Variants in SLC12A2 observed in about 807,000 individuals in gnomAD.
SLC12A2 encodes the protein Na-K-2Cl cotransporter 1.
In SLC12A2, 67 loss-of-function variants were observed where a neutral mutation model predicts 136.3. The ratio of observed to expected loss-of-function variants is 0.49; its 90% CI spans 0.40 to 0.60. The LOEUF (loss-of-function observed/expected upper bound fraction) is 0.60. Among genes scored for constraint, SLC12A2 ranks in the 20% least tolerant of loss-of-function variants. SLC12A2 has a pLI of 0.00. For synonymous variants in SLC12A2, 619 were observed against 562.9 expected (o/e 1.10, Z -1.41); for missense variants, 1,322 against 1,534.7 (o/e 0.86, Z 2.32).
chr5:128,093,792 G>T (rs1760423103), intron 1 of SLC12A2, among the ~76,000 whole-genome samples: 1 of 152,098 alleles, frequency 6.6e-6, no homozygotes, highest in African/African-American at 2.4e-5. Context: ...TGCAGCAATA[G>T]CCTTGTAACT....
intron 5 of SLC12A2, among the ~76,000 whole-genome samples, chr5:128,133,203 CTTTATGA>C (rs1420837697): frequency 1.3e-5 from 2 of 151,914 alleles, no homozygotes; most frequent in African/African-American, 4.8e-5. Flanking sequence ...AAGTATGTAG[CTTTATGA>C]AATTGAATGG....
rs546352799 is a variant in SLC12A2 at position 128,130,339 on chromosome 5, A to G, written c.1049-728A>G. Among the ~76,000 whole-genome samples, 13 of 151,924 alleles carry G rather than the reference A, an allele frequency of 8.6e-5. No homozygotes were observed. The East Asian group carries it at 1.7e-3, about 20-fold the overall frequency. On this transcript the variant is annotated intron_variant, in intron 4 of 26. Transcript: ENST00000262461. ...AGACCATCCTGGCCAACATGGTGAA[A>G]CCCCGTCTCTACTAAAAATGCAAAA...
chr5:128,112,997 C>A lies in SLC12A2; in HGVS notation c.876+64C>A, dbSNP rs543362457. The A allele has an allele frequency of 4.9e-5, 69 of 1,400,434 alleles. No homozygotes were observed. In the African/African-American group the frequency reaches 8.7e-4, roughly 18 times the overall value. The allele number at this position is 1,400,434 out of a possible 1,614,324, so 86.8% of individuals were successfully genotyped here. A position where few individuals can be genotyped will look rare whatever the true frequency, so the allele number is the denominator to read the frequency against. ...TCTGTTGGTTATAAAATCTTCCTAA[C>A]GTTCTCATCAGTTCTCAAGAGAACT... On this transcript the variant is annotated intron_variant, in intron 2 of 26. Coordinates refer to ENST00000262461, the MANE Select transcript of SLC12A2 (RefSeq NM_001046.3).
At chr5:128,091,025 A>C (rs907983293) in intron 1 of SLC12A2, among the ~76,000 whole-genome samples, 2 of 152,180 alleles carry the variant, frequency 1.3e-5, no homozygotes, top group African/African-American at 2.4e-5. Flanking sequence ...TGTGTAGAGA[A>C]TATACTGTAA....
intron 4 of SLC12A2, among the ~76,000 whole-genome samples, chr5:128,118,266 G>T (rs938571638): frequency 1.3e-5 from 2 of 152,146 alleles, no homozygotes; most frequent in Non-Finnish European, 2.9e-5. Flanking sequence ...AGACACTTGT[G>T]CACACATGTT....
chr5:128,107,434 C>G (rs978290802), intron 1 of SLC12A2, among the ~76,000 whole-genome samples: 1 of 152,106 alleles, frequency 6.6e-6, no homozygotes, highest in African/African-American at 2.4e-5. Context: ...TACTGCTGTC[C>G]CTCCCCTACC....
At chr5:128,155,734 G>A (rs886850373) in intron 15 of SLC12A2, among the ~76,000 whole-genome samples, 1 of 152,166 alleles carries the variant, frequency 6.6e-6, no homozygotes, top group African/African-American at 2.4e-5. Context: ...TTCGGCATTG[G>A]TAAGTGGAGC....
Position 128,084,266 on chromosome 5 carries a change from G to C in SLC12A2, c.312G>C (p.Ala104=). Residue 104 remains alanine (A), a synonymous_variant, in exon 1 of 27, where the codon GCG becomes GCC. Coordinates refer to ENST00000262461, the MANE Select transcript of SLC12A2 (RefSeq NM_001046.3). The surrounding 1 kb of genome is among the most constrained non-coding windows in gnomAD (Gnocchi z 5.6). ...AAAAAAAAAA[A]AAAGAGAGAK... is the part of the protein sequence containing the mutation. ...CGGCGGCGGCGGCGGCGGCGGCAGCGGCGGCGGCTGGTGCTGGGGCGGGGG... is the reference window on the plus strand; with the variant it reads ...CGGCGGCGGCGGCGGCGGCGGCAGCCGCGGCGGCTGGTGCTGGGGCGGGGG... The C allele has an allele frequency of 7.8e-7, 1 of 1,288,968 alleles. No homozygotes were observed. Among genetic ancestry groups the C allele is most frequent in the East Asian group, 3.1e-5 (1 of 32,314 alleles). 79.8% of individuals were successfully genotyped at this position (1,288,968 alleles called of 1,614,324 possible).
Position 128,112,868 on chromosome 5 carries a change from G to T in SLC12A2, c.811G>T (p.Ala271Ser), listed in dbSNP as rs572077264. ...GGAAGAAAGTACTCCAACCAGAGAT[G>T]CTGTGGTCACGTATACTGCAGAAAG... The part of the protein sequence containing the change: ...NGEESTPTRD[A>S]VVTYTAESKG... The change falls in exon 2 of 27, where the codon GCT becomes TCT. Residue 271 changes from alanine to serine, a missense_variant. Ala to Ser is a moderately conservative substitution (Grantham distance 99). This residue lies in a region of SLC12A2 where 59 missense variants were observed against 51.5 expected (regional missense o/e 1.15). Coordinates refer to ENST00000262461, the MANE Select transcript of SLC12A2 (RefSeq NM_001046.3). 2 of 1,612,640 alleles carry T rather than the reference G, an allele frequency of 1.2e-6. No individual in the cohort carries two copies. The highest frequency in any genetic ancestry group is 4.5e-5 in the East Asian group (2 of 44,828).
At position 128,148,757 on chromosome 5, in the gene SLC12A2, C is replaced by T. The variant is rs772273071; in HGVS notation, c.1885C>T (p.Leu629=). The change falls in exon 12 of 27, where the codon CTA becomes TTA. Residue 629 remains leucine (L), a synonymous_variant. Transcript: ENST00000262461. ...LVSAPKIFQA[L]CKDNIYPAFQ... ...TTTTAATGTTTTCTTTCATTAGGCT[C>T]TATGTAAGGACAACATCTACCCAGC... 6.3e-7 allele frequency: 1 copy of T among 1,585,764 alleles called. No homozygotes were observed. The highest frequency in any genetic ancestry group is 1.4e-5 in the African/African-American group (1 of 73,144).
At position 128,154,081 on chromosome 5, in the gene SLC12A2, C is replaced by A. The variant is rs1357427997; in HGVS notation, c.2363+1276C>A. Among the ~76,000 whole-genome samples, 7 of 138,220 alleles carry A rather than the reference C, an allele frequency of 5.1e-5. 1 individual carries two copies. The South Asian group carries it at 1.4e-3, about 27-fold the overall frequency. 90.7% of individuals were successfully genotyped at this position (138,220 alleles called of 152,430 possible). A position where few individuals can be genotyped will look rare whatever the true frequency, so the allele number is the denominator to read the frequency against. On this transcript the variant is annotated intron_variant, in intron 15 of 26. Transcript: ENST00000262461. ...TAAAAAAAAAAACAAAAAAAAAAAA[C>A]CTCTTGCTTTGGCTCATTGTAGTAA... is the stretch of plus-strand genomic sequence containing the variant.
At chr5:128,155,675 G>A (rs1486531497) in intron 15 of SLC12A2, among the ~76,000 whole-genome samples, 2 of 152,046 alleles carry the variant, frequency 1.3e-5, no homozygotes, top group African/African-American at 4.8e-5. Context: ...TGGGTTTTGG[G>A]ATTTAGCCTG....
intron 15 of SLC12A2, 94 bp from the exon 16 acceptor site, chr5:128,157,959 T>G (rs1484879953): frequency 2.1e-6 from 2 of 960,700 alleles, no homozygotes; most frequent in Non-Finnish European, 3.2e-6. Flanking sequence ...TAAGGACAGT[T>G]GTATACAGAA....
At chr5:128,100,169 C>T (rs896919152) in intron 1 of SLC12A2, among the ~76,000 whole-genome samples, 2 of 152,118 alleles carry the variant, frequency 1.3e-5, no homozygotes, top group Admixed American at 6.6e-5. Flanking sequence ...AATGTTTTAG[C>T]TCCATTATAA....
intron 18 of SLC12A2, chr5:128,169,754 A>C (rs1235121507): frequency 6.6e-6 from 1 of 152,072 alleles, no homozygotes; most frequent in Non-Finnish European, 1.5e-5. Context: ...AATTATCCTA[A>C]AAAATAGAAA....
At chr5:128,138,795 A>G (rs781509408) in intron 8 of SLC12A2, 29 bp from the exon 9 acceptor site, 1 of 1,603,162 alleles carries the variant, frequency 6.2e-7, no homozygotes, top group East Asian at 2.2e-5. Context: ...TTTTACAGAT[A>G]GACTTTAAAA....
Position 128,122,872 on chromosome 5 carries a change from C to G in SLC12A2, c.1048+8191C>G, listed in dbSNP as rs140071178. ...AGTTCCTTTTTTTAATAGCTAGTTT[C>G]TTTGAAATTATAACTTTTCAGATCA... On this transcript the variant is annotated intron_variant, in intron 4 of 26. Coordinates refer to ENST00000262461, the MANE Select transcript of SLC12A2 (RefSeq NM_001046.3). Among the ~76,000 whole-genome samples the G allele has an allele frequency of 3.8e-4, 57 of 151,912 alleles. 1 individual carries two copies. In the East Asian group the frequency reaches 0.01, roughly 27 times the overall value.
intron 1 of SLC12A2, chr5:128,109,569 A>G (rs1224538534): frequency 1.4e-5 from 10 of 708,930 alleles, no homozygotes; most frequent in Non-Finnish European, 2.4e-5. Context: ...CTGAGTCCGG[A>G]GAAGAGCAAA....
At chr5:128,163,901 T>C (rs1216127305) in intron 17 of SLC12A2, among the ~76,000 whole-genome samples, 1 of 152,186 alleles carries the variant, frequency 6.6e-6, no homozygotes, top group African/African-American at 2.4e-5. Flanking sequence ...ATGTTTATTA[T>C]TTATACTTTA....
Sources: gnomAD v4.1 joint callset for allele counts (sites outside exome capture counted in the v4.1 genomes callset) on GRCh38, gnomAD v4.1.1 for gene constraint, gnomAD v4.1.1 regional missense constraint, Gnocchi (gnomAD v3.1) non-coding constraint, MANE v1.5 for transcripts, NCBI Gene and HGNC (gene_info 2026-07-23, HGNC 2026-07-21) for gene names.